Variants in CAAP1 observed in about 807,000 individuals in gnomAD.
The protein encoded by CAAP1 is conserved anti-apoptotic protein.
A neutral mutation model predicts 34.0 loss-of-function variants in CAAP1; 20 were observed. The observed-to-expected ratio is 0.59, with a 90% confidence interval of 0.41 to 0.86. CAAP1 has a LOEUF of 0.86. CAAP1 is among the 40% of genes least tolerant of loss of function. CAAP1 has a pLI of 0.00. For synonymous variants in CAAP1, 213 were observed against 166.7 expected (o/e 1.28, Z -2.14); for missense variants, 538 against 450.5 (o/e 1.19, Z -1.76).
At chr9:26,891,301 C>T (rs549383656) in intron 1 of CAAP1, among the ~76,000 whole-genome samples, 1 of 152,192 alleles carries the variant, frequency 6.6e-6, no homozygotes, top group South Asian at 2.1e-4. Context: ...TTAAAACAAA[C>T]TATTAATTTG....
At chr9:26,887,890 GAAGTA>G (rs1184818564) in intron 1 of CAAP1, among the ~76,000 whole-genome samples, 1 of 152,136 alleles carries the variant, frequency 6.6e-6, no homozygotes, top group East Asian at 1.9e-4. Flanking sequence ...TAAATAAATT[GAAGTA>G]AAGATGTTAC....
chr9:26,887,594 T>A, intron 1 of CAAP1, 81 bp from the exon 2 acceptor site: 1 of 819,016 alleles, frequency 1.2e-6, no homozygotes, highest in Admixed American at 3.4e-5. Context: ...TACGTTTTCA[T>A]TTAATAAATT....
intron 4 of CAAP1, among the ~76,000 whole-genome samples, chr9:26,872,019 A>G (rs1450737548): frequency 6.6e-6 from 1 of 152,180 alleles, no homozygotes; most frequent in Non-Finnish European, 1.5e-5. Flanking sequence ...ATGTAACTCT[A>G]TACACTCATG....
Position 26,891,040 on chromosome 9 carries a change from CAAGACTCCA to C in CAAP1, c.303+1364_303+1372del, listed in dbSNP as rs1238948333. Among the ~76,000 whole-genome samples the C allele has an allele frequency of 9.8e-5, 15 of 152,288 alleles. No individual in the cohort carries two copies. The East Asian group carries it at 2.7e-3, about 27-fold the overall frequency. On this transcript the variant is annotated intron_variant, in intron 1 of 5. Transcript: ENST00000333916. ...TCAACAAACCAAACAGCACTTGTCC[CAAGACTCCA>C]AAGACTGTTCAACATCAACTAACTT...
chr9:26,847,172 G>A (rs942177591), intron 5 of CAAP1, among the ~76,000 whole-genome samples: 4 of 96,324 alleles, frequency 4.2e-5, no homozygotes, highest in Non-Finnish European at 8.6e-5. Flanking sequence ...AAAAATCCTC[G>A]TTTTTACTAG....
intron 4 of CAAP1, among the ~76,000 whole-genome samples, chr9:26,871,264 A>G (rs1257466668): frequency 6.6e-6 from 1 of 151,854 alleles, no homozygotes; most frequent in Non-Finnish European, 1.5e-5. Flanking sequence ...CAAAAAGGAC[A>G]TGGATGTTTT....
chr9:26,869,943 C>T, intron 4 of CAAP1: 1 of 984,536 alleles, frequency 1.0e-6, no homozygotes, highest in Non-Finnish European at 1.2e-6. Flanking sequence ...TCATCTAACC[C>T]AGTGCTTGAG....
At chr9:26,874,206 C>CAAAA (rs34601727) in intron 4 of CAAP1, among the ~76,000 whole-genome samples, 5 of 53,216 alleles carry the variant, frequency 9.4e-5, no homozygotes, top group African/African-American at 1.5e-4. Flanking sequence ...GACTCTGTCT[C>CAAAA]AAAAAAAAAA....
chr9:26,873,850 C>T (rs1285628986), intron 4 of CAAP1, among the ~76,000 whole-genome samples: 4 of 152,074 alleles, frequency 2.6e-5, no homozygotes, highest in Admixed American at 2.6e-4. Flanking sequence ...TATAAATTTG[C>T]TCATTTTCTT....
At chr9:26,882,237 T>A (rs1823608790) in intron 4 of CAAP1, among the ~76,000 whole-genome samples, 1 of 152,180 alleles carries the variant, frequency 6.6e-6, no homozygotes, top group African/African-American at 2.4e-5. Flanking sequence ...AGCAGCCCAA[T>A]GTTAATCGCC....
At chr9:26,845,340 ATT>A (rs1479749752) in intron 5 of CAAP1, among the ~76,000 whole-genome samples, 1 of 152,028 alleles carries the variant, frequency 6.6e-6, no homozygotes, top group Non-Finnish European at 1.5e-5. Context: ...ATTTAAAAAT[ATT>A]TTTCTTTTCT....
chr9:26,847,198 ATTTTTTTTTTTTTTTTTTTT>A (rs1171628621), intron 5 of CAAP1, among the ~76,000 whole-genome samples: 12 of 34,754 alleles, frequency 3.5e-4, no homozygotes, highest in East Asian at 2.5e-3. Flanking sequence ...AAAAAGCAAT[ATTTTTTTTTTTTTTTTTTTT>A]TTTTTTTTTT....
intron 4 of CAAP1, chr9:26,869,900 G>GAA: frequency 1.0e-6 from 1 of 952,612 alleles, no homozygotes; most frequent in Non-Finnish European, 1.2e-6. Flanking sequence ...AGGTGATAGA[G>GAA]AAAGAGTAGA....
intron 5 of CAAP1, among the ~76,000 whole-genome samples, chr9:26,847,198 A>ATTTTT (rs1171628621): frequency 0.053 from 1,842 of 34,752 alleles, 586 homozygotes; most frequent in Admixed American, 0.064. Context: ...AAAAAGCAAT[A>ATTTTT]TTTTTTTTTT....
intron 5 of CAAP1, among the ~76,000 whole-genome samples, chr9:26,843,652 G>C (rs1432152581): frequency 6.6e-6 from 1 of 151,718 alleles, no homozygotes; most frequent in African/African-American, 2.4e-5. Flanking sequence ...ATATAAGAAA[G>C]CTTTGATAGC....
intron 4 of CAAP1, among the ~76,000 whole-genome samples, chr9:26,865,730 A>AT (rs1444372047): frequency 1.3e-5 from 2 of 152,090 alleles, no homozygotes; most frequent in African/African-American, 4.8e-5. Flanking sequence ...ACTTTAAATC[A>AT]TTTTCTCATT....
chr9:26,854,551 G>C (rs544026723), intron 5 of CAAP1, among the ~76,000 whole-genome samples: 25 of 152,212 alleles, frequency 1.6e-4, no homozygotes, highest in African/African-American at 5.5e-4. Flanking sequence ...AATAAACATA[G>C]TATGTACCAA....
chr9:26,866,222 C>T lies in CAAP1; in HGVS notation c.666-5083G>A, dbSNP rs192825484. On this transcript the variant is annotated intron_variant, in intron 4 of 5. Coordinates refer to ENST00000333916, the MANE Select transcript of CAAP1 (RefSeq NM_024828.4). ...AGAGACTGTTTATGTTCTGGTATAC[C>T]AAAAAATGGTATAGTAAATAGGCAT... Among the ~76,000 whole-genome samples, 3 of 151,852 alleles carry T rather than the reference C, an allele frequency of 2.0e-5. No homozygotes were observed. The East Asian group carries it at 5.8e-4, about 29-fold the overall frequency.
chr9:26,890,095 C>T (rs540151129), intron 1 of CAAP1, among the ~76,000 whole-genome samples: 3 of 152,170 alleles, frequency 2.0e-5, no homozygotes, highest in South Asian at 4.1e-4. Context: ...ACTGGTCAGG[C>T]GCGGTGGCTC....
Sources: allele counts gnomAD v4.1 joint callset (sites outside exome capture counted in the v4.1 genomes callset), GRCh38; gene constraint gnomAD v4.1.1; transcripts MANE v1.5; gene names NCBI Gene and HGNC (gene_info 2026-07-23, HGNC 2026-07-21).